KCNQ1: variants seen among roughly 807,000 people sequenced by gnomAD.
KCNQ1 encodes potassium voltage-gated channel subfamily Q member 1, also known as potassium voltage-gated channel subfamily KQT member 1.
KCNQ1 carries 49 observed loss-of-function variants against 72.4 expected under a neutral mutation model. The ratio of observed to expected loss-of-function variants is 0.68; its 90% CI spans 0.54 to 0.86. KCNQ1 has a LOEUF of 0.86. Among genes scored for constraint, KCNQ1 ranks in the 40% least tolerant of loss-of-function variants. KCNQ1 has a pLI of 0.00. For missense variants in KCNQ1, 790 were observed against 945.1 expected (o/e 0.84, Z 2.15); for synonymous variants, 450 against 412.6 (o/e 1.09, Z -1.10).
chr11:2,818,752 G>A lies in KCNQ1; in HGVS notation c.1795-29015G>A, dbSNP rs1847672723. Reference sequence around the variant, plus strand: ...TCTGATGACCCAGGCCTTTCCCCCTGCCCAGGCTAGCCTTGTGCTCAGCTG... The same window carrying A: ...TCTGATGACCCAGGCCTTTCCCCCTACCCAGGCTAGCCTTGTGCTCAGCTG... On this transcript the variant is annotated intron_variant, in intron 15 of 15. Coordinates refer to ENST00000155840, the MANE Select transcript of KCNQ1 (RefSeq NM_000218.3). The surrounding 1 kb of genome is among the most constrained non-coding windows in gnomAD (Gnocchi z 7.2). Among the ~76,000 whole-genome samples the A allele has an allele frequency of 6.8e-6, 1 of 147,078 alleles. No individual in the cohort carries two copies. The highest frequency in any genetic ancestry group is 1.5e-5 in the Non-Finnish European group (1 of 66,878).
intron 1 of KCNQ1, among the ~76,000 whole-genome samples, chr11:2,501,114 A>G (rs1480584352): frequency 6.6e-6 from 1 of 152,208 alleles, no homozygotes; most frequent in Non-Finnish European, 1.5e-5. Context: ...AAACAACCTA[A>G]TGATCTTAAA....
At chr11:2,681,691 CGT>C (rs1190704993) in intron 11 of KCNQ1, 1 of 397,468 alleles carries the variant, frequency 2.5e-6, no homozygotes, top group African/African-American at 2.1e-5. Flanking sequence ...ACCAGGCTGC[CGT>C]TGCTTCCCAT....
rs1395321696 is a variant in KCNQ1 at position 2,748,457 on chromosome 11, C to G, written c.1515-20387C>G. Among the ~76,000 whole-genome samples the G allele has an allele frequency of 6.6e-6, 1 of 152,156 alleles. No homozygotes were observed. Among genetic ancestry groups the G allele is most frequent in the Non-Finnish European group, 1.5e-5 (1 of 68,016 alleles). ...CCCCTGGGTACCTCCCCAGGCAGGG[C>G]CCTCAGCACCTGATGCCAAACCAGG... On this transcript the variant is annotated intron_variant, in intron 11 of 15. Transcript: ENST00000155840. This position sits in a 1 kb window ranked among gnomAD's most constrained non-coding sequence, Gnocchi z 6.2.
At chr11:2,449,872 A>G (rs545582615) in intron 1 of KCNQ1, among the ~76,000 whole-genome samples, 1 of 152,282 alleles carries the variant, frequency 6.6e-6, no homozygotes, top group Non-Finnish European at 1.5e-5. Context: ...TCACACGAGC[A>G]AGCGTCCTCG....
Position 2,579,709 on chromosome 11 carries a change from C to G in KCNQ1, c.922-3726C>G, listed in dbSNP as rs1589962929. 6.6e-6 allele frequency among the ~76,000 whole-genome samples: 1 copy of G among 152,090 alleles called. No individual in the cohort carries two copies. Among genetic ancestry groups the G allele is most frequent in the Admixed American group, 6.5e-5 (1 of 15,284 alleles). ...GTGCTCTCCACGGTGGGCAGACACC[C>G]AGGGGCACTTCTGGGGCTGGCCTTT... On this transcript the variant is annotated intron_variant, in intron 6 of 15. Transcript: ENST00000155840. This position sits in a 1 kb window ranked among gnomAD's most constrained non-coding sequence, Gnocchi z 6.0.
intron 11 of KCNQ1, among the ~76,000 whole-genome samples, chr11:2,736,884 G>A (rs887931708): frequency 3.9e-5 from 6 of 152,324 alleles, no homozygotes; most frequent in East Asian, 1.9e-4. Flanking sequence ...GTCACAGGTG[G>A]GGAGTGGCGC....
chr11:2,555,516 G>A (rs906482302), intron 2 of KCNQ1, among the ~76,000 whole-genome samples: 4 of 152,232 alleles, frequency 2.6e-5, no homozygotes, highest in Admixed American at 2.0e-4. Flanking sequence ...GCAGCCAGGC[G>A]TGGGCGTCTC....
intron 1 of KCNQ1, among the ~76,000 whole-genome samples, chr11:2,460,550 C>T (rs1440604852): frequency 6.9e-6 from 1 of 145,404 alleles, no homozygotes; most frequent in East Asian, 2.3e-4. Context: ...AGTAGAAAGG[C>T]TCCAGTCTGT....
At position 2,647,454 on chromosome 11, in the gene KCNQ1, T is replaced by A. The variant is rs1849683963; in HGVS notation, c.1394-14507T>A. 1 of 398,438 alleles carries A rather than the reference T, an allele frequency of 2.5e-6. No individual in the cohort carries two copies. The highest frequency in any genetic ancestry group is 4.4e-6 in the Non-Finnish European group (1 of 226,050). 24.7% of individuals were successfully genotyped at this position (398,438 alleles called of 1,614,324 possible). On this transcript the variant is annotated intron_variant, in intron 10 of 15. Coordinates refer to ENST00000155840, the MANE Select transcript of KCNQ1 (RefSeq NM_000218.3). This position sits in a 1 kb window ranked among gnomAD's most constrained non-coding sequence, Gnocchi z 4.0. ...TCATCAGGGAGATTGGCCTGTAGTT[T>A]TCTTTTTTGCTGTTATTGTGTCCTT...
At chr11:2,728,007 C>T (rs149649612) in intron 11 of KCNQ1, among the ~76,000 whole-genome samples, 53 of 152,188 alleles carry the variant, frequency 3.5e-4, no homozygotes, top group East Asian at 1.5e-3. Flanking sequence ...TTCATGTGAC[C>T]GCTCCCGCTC....
rs1847860739 is a variant in KCNQ1 at position 2,543,752 on chromosome 11, T to G, written c.477+15734T>G. On this transcript the variant is annotated intron_variant, in intron 2 of 15. Coordinates refer to ENST00000155840, the MANE Select transcript of KCNQ1 (RefSeq NM_000218.3). This position sits in a 1 kb window ranked among gnomAD's most constrained non-coding sequence, Gnocchi z 5.6. ...TTTGTGCTTACCTTTAGGCCTAGGA[T>G]GCATTTTGAGTTAATTTTTCTCTAT... 6.6e-6 allele frequency among the ~76,000 whole-genome samples: 1 copy of G among 152,226 alleles called. No homozygotes were observed. Among genetic ancestry groups the G allele is most frequent in the Non-Finnish European group, 1.5e-5 (1 of 68,040 alleles).
At position 2,544,700 on chromosome 11, in the gene KCNQ1, C is replaced by A. The variant is rs1419225784; in HGVS notation, c.477+16682C>A. The stretch of plus-strand genomic sequence containing the variant: ...TTTCTAAACTCATTTGTTCCAGTGG[C>A]TTTTGAAAAAATGAATTCCATTGAT... On this transcript the variant is annotated intron_variant, in intron 2 of 15. Transcript: ENST00000155840. This position sits in a 1 kb window ranked among gnomAD's most constrained non-coding sequence, Gnocchi z 4.4. Among the ~76,000 whole-genome samples the A allele has an allele frequency of 6.6e-6, 1 of 152,108 alleles. No homozygotes were observed. The highest frequency in any genetic ancestry group is 1.5e-5 in the Non-Finnish European group (1 of 68,014).
chr11:2,466,114 A>G (rs1187256851), intron 1 of KCNQ1, among the ~76,000 whole-genome samples: 1 of 151,890 alleles, frequency 6.6e-6, no homozygotes, highest in East Asian at 1.9e-4. Context: ...GACGTTTTTG[A>G]GTTTTCCTGA....
Position 2,734,020 on chromosome 11 carries a change from C to T in KCNQ1, c.1515-34824C>T, listed in dbSNP as rs1037582850. Among the ~76,000 whole-genome samples, 1 of 152,050 alleles carries T rather than the reference C, an allele frequency of 6.6e-6. No homozygotes were observed. The highest frequency in any genetic ancestry group is 1.5e-5 in the Non-Finnish European group (1 of 68,004). ...ATCCTCCTCAGAGCAGTTGCGCGCTCTAAATCAGGACCACCTTGCGGTTCT... is the reference window on the plus strand; with the variant it reads ...ATCCTCCTCAGAGCAGTTGCGCGCTTTAAATCAGGACCACCTTGCGGTTCT... On this transcript the variant is annotated intron_variant, in intron 11 of 15. Transcript: ENST00000155840. This position sits in a 1 kb window ranked among gnomAD's most constrained non-coding sequence, Gnocchi z 7.0.
Position 2,483,599 on chromosome 11 carries a change from T to C in KCNQ1, c.386+38115T>C, listed in dbSNP as rs1846688497. Among the ~76,000 whole-genome samples, 1 of 152,204 alleles carries C rather than the reference T, an allele frequency of 6.6e-6. No individual in the cohort carries two copies. The highest frequency in any genetic ancestry group is 1.5e-5 in the Non-Finnish European group (1 of 68,032). ...TTTGTCTTTCGTGACCTTGATGTTTTAGATAAGTACTGGGCGGCTGTTTTG... is the reference window on the plus strand; with the variant it reads ...TTTGTCTTTCGTGACCTTGATGTTTCAGATAAGTACTGGGCGGCTGTTTTG... On this transcript the variant is annotated intron_variant, in intron 1 of 15. Transcript: ENST00000155840. The surrounding 1 kb of genome is among the most constrained non-coding windows in gnomAD (Gnocchi z 6.1).
chr11:2,638,452 A>G (rs557734331), intron 10 of KCNQ1: 53 of 152,304 alleles, frequency 3.5e-4, no homozygotes, highest in African/African-American at 1.1e-3. Flanking sequence ...TTGGCTGGAT[A>G]TGAAATTCTG....
chr11:2,489,555 T>G (rs553475645), intron 1 of KCNQ1, among the ~76,000 whole-genome samples: 1 of 152,130 alleles, frequency 6.6e-6, no homozygotes, highest in Non-Finnish European at 1.5e-5. Flanking sequence ...CACAACCTAG[T>G]GAGACACCAG....
chr11:2,660,394 T>A (rs886475664), intron 10 of KCNQ1: 4 of 398,462 alleles, frequency 1.0e-5, no homozygotes, highest in African/African-American at 8.2e-5. Context: ...CTTCCTTTTT[T>A]ATAAAGCAAA....
chr11:2,648,169 C>T (rs904522356), intron 10 of KCNQ1: 44 of 353,550 alleles, frequency 1.2e-4, no homozygotes, highest in African/African-American at 5.8e-4. Context: ...CACACCACTG[C>T]GCTCTAGCCT....
Sources: gnomAD v4.1 joint callset for allele counts (sites outside exome capture counted in the v4.1 genomes callset) on GRCh38, gnomAD v4.1.1 for gene constraint, Gnocchi (gnomAD v3.1) non-coding constraint, MANE v1.5 for transcripts, NCBI Gene and HGNC (gene_info 2026-07-23, HGNC 2026-07-21) for gene names.